Variants in TAFA2 observed in about 807,000 individuals in gnomAD.
The protein encoded by TAFA2 is chemokine-like protein TAFA-2.
Under a neutral mutation model 18.8 loss-of-function variants are expected in TAFA2, and 7 were observed. The observed-to-expected ratio is 0.37, with a 90% confidence interval of 0.21 to 0.70. The LOEUF (loss-of-function observed/expected upper bound fraction) is 0.70. TAFA2 is among the 30% of genes least tolerant of loss of function. The pLI, the probability that TAFA2 is intolerant of heterozygous loss-of-function variation, is 0.53. For missense variants in TAFA2, 122 were observed against 158.1 expected, an observed-to-expected ratio of 0.77 and a Z score of 1.23; for synonymous variants, 60 against 54.2, an observed-to-expected ratio of 1.11 and a Z score of -0.47.
At chr12:61,873,065 A>T (rs892288629) in intron 1 of TAFA2, among the ~76,000 whole-genome samples, 1 of 152,230 alleles carries the variant, frequency 6.6e-6, no homozygotes, top group Non-Finnish European at 1.5e-5. Context: ...ATCATGGAAC[A>T]TCAAGAGATG....
chr12:61,773,938 T>C (rs1305595109), intron 2 of TAFA2, among the ~76,000 whole-genome samples: 1 of 151,942 alleles, frequency 6.6e-6, no homozygotes, highest in Non-Finnish European at 1.5e-5. Context: ...GGAGAAAATA[T>C]TCACAAACTA....
At chr12:61,995,382 G>T (rs1880150130) in intron 1 of TAFA2, among the ~76,000 whole-genome samples, 1 of 152,144 alleles carries the variant, frequency 6.6e-6, no homozygotes, top group African/African-American at 2.4e-5. Flanking sequence ...TTTTTACCAT[G>T]ATCTCACAAT....
intron 1 of TAFA2, among the ~76,000 whole-genome samples, chr12:62,124,101 C>T (rs952849449): frequency 8.6e-5 from 13 of 151,746 alleles, no homozygotes; most frequent in Non-Finnish European, 1.9e-4. Context: ...GTATTTTTGC[C>T]CCTGCTTATT....
At chr12:61,989,514 C>G (rs1390376568) in intron 1 of TAFA2, among the ~76,000 whole-genome samples, 1 of 152,092 alleles carries the variant, frequency 6.6e-6, no homozygotes, top group Non-Finnish European at 1.5e-5. Flanking sequence ...AACTCCTTAC[C>G]AAACCTCTCA....
chr12:62,239,482 G>T (rs1304372165), intron 1 of TAFA2, among the ~76,000 whole-genome samples: 1 of 152,044 alleles, frequency 6.6e-6, no homozygotes, highest in Non-Finnish European at 1.5e-5. Context: ...TCAATTAATA[G>T]CTCCTCTTTT....
intron 2 of TAFA2, among the ~76,000 whole-genome samples, chr12:61,798,700 G>A (rs1056256885): frequency 6.6e-6 from 1 of 152,192 alleles, no homozygotes; most frequent in African/African-American, 2.4e-5. Flanking sequence ...TGAAGGAAAG[G>A]TGAAGCTGGA....
At chr12:62,209,274 T>G (rs564880551) in intron 1 of TAFA2, among the ~76,000 whole-genome samples, 1 of 152,302 alleles carries the variant, frequency 6.6e-6, no homozygotes, top group East Asian at 1.9e-4. Flanking sequence ...CTCATAATAG[T>G]GAGTAAGTTC....
rs2136756818 is a variant in TAFA2 at position 62,039,083 on chromosome 12, G to C, written c.-2+152176C>G. Among the ~76,000 whole-genome samples, 5 of 152,256 alleles carry C rather than the reference G, an allele frequency of 3.3e-5. 1 individual carries two copies. The Middle Eastern group carries it at 0.014, about 414-fold the overall frequency. ...ACAAGGGACCCACTAAAAAATTCTA[G>C]ACCCTCTCACTGGATTTGAGACGTC... On this transcript the variant is annotated intron_variant, in intron 1 of 4. Coordinates refer to ENST00000416284, the MANE Select transcript of TAFA2 (RefSeq NM_178539.5).
intron 1 of TAFA2, among the ~76,000 whole-genome samples, chr12:62,062,576 G>T (rs900229454): frequency 1.3e-5 from 2 of 152,092 alleles, no homozygotes; most frequent in African/African-American, 4.8e-5. Context: ...GTATGGAGAC[G>T]TTAACACACC....
intron 1 of TAFA2, among the ~76,000 whole-genome samples, chr12:62,057,032 G>A (rs1882205749): frequency 6.6e-6 from 1 of 152,106 alleles, no homozygotes; most frequent in South Asian, 2.1e-4. Flanking sequence ...CTATTCCCTG[G>A]AAACCTTTTT....
chr12:62,042,754 A>G (rs979048611), intron 1 of TAFA2, among the ~76,000 whole-genome samples: 2 of 152,100 alleles, frequency 1.3e-5, no homozygotes, highest in Non-Finnish European at 2.9e-5. Context: ...CACACATATC[A>G]TCTCAATGCC....
chr12:61,914,088 G>C (rs1876720992), intron 1 of TAFA2, among the ~76,000 whole-genome samples: 1 of 152,114 alleles, frequency 6.6e-6, no homozygotes, highest in Non-Finnish European at 1.5e-5. Context: ...AGTTAAACTA[G>C]ATTTGAGGAC....
At chr12:62,217,868 C>T (rs1302882990) in intron 1 of TAFA2, among the ~76,000 whole-genome samples, 1 of 152,048 alleles carries the variant, frequency 6.6e-6, no homozygotes, top group African/African-American at 2.4e-5. Context: ...TACCAAAATG[C>T]TATTGAGTTG....
At chr12:61,887,708 G>A (rs969275518) in intron 1 of TAFA2, among the ~76,000 whole-genome samples, 4 of 150,096 alleles carry the variant, frequency 2.7e-5, no homozygotes, top group Non-Finnish European at 5.9e-5. Context: ...TCTTGCGATA[G>A]TTTACTGAGA....
chr12:62,193,007 T>C (rs1018638936), upstream of TAFA2, among the ~76,000 whole-genome samples: 1 of 152,248 alleles, frequency 6.6e-6, no homozygotes, highest in Non-Finnish European at 1.5e-5. Context: ...GGATTTTCAC[T>C]GCAGCCCTAT....
chr12:62,027,094 T>C (rs181403841), intron 1 of TAFA2, among the ~76,000 whole-genome samples: 266 of 152,266 alleles, frequency 1.7e-3, no homozygotes, highest in African/African-American at 6.0e-3. Context: ...TTTAGCTAAA[T>C]AACATCTGCC....
chr12:62,134,891 C>A (rs1401432976), intron 1 of TAFA2, among the ~76,000 whole-genome samples: 1 of 151,980 alleles, frequency 6.6e-6, no homozygotes, highest in Non-Finnish European at 1.5e-5. Context: ...CTGAAGCCTT[C>A]TTTCATCCCA....
intron 2 of TAFA2, among the ~76,000 whole-genome samples, chr12:61,829,127 C>T (rs1056410452): frequency 1.3e-5 from 2 of 151,688 alleles, no homozygotes; most frequent in African/African-American, 4.8e-5. Context: ...ACAAAAGTCT[C>T]AGGACACATT....
intron 1 of TAFA2, chr12:62,139,958 G>A (rs531221562): frequency 6.6e-6 from 1 of 152,124 alleles, no homozygotes; most frequent in African/African-American, 2.4e-5. Context: ...TTTCTTTTAA[G>A]CAGCAGGAGG....
Sources: gnomAD v4.1 joint callset for allele counts (sites outside exome capture counted in the v4.1 genomes callset) on GRCh38, gnomAD v4.1.1 for gene constraint, MANE v1.5 for transcripts, NCBI Gene and HGNC (gene_info 2026-07-23, HGNC 2026-07-21) for gene names.